Variants in NTSR1 observed in about 807,000 individuals in gnomAD.
The protein encoded by NTSR1 is neurotensin receptor type 1.
In NTSR1, 29 loss-of-function variants were observed where a neutral mutation model predicts 31.2. The ratio of observed to expected loss-of-function variants is 0.93; its 90% CI spans 0.69 to 1.27. The LOEUF (loss-of-function observed/expected upper bound fraction) is 1.27, where lower values mean the gene tolerates loss of function less well. Among genes scored for constraint, NTSR1 ranks in the 50% most tolerant of loss-of-function variants. The pLI is 0.00. For synonymous variants in NTSR1, 282 were observed against 269.9 expected (o/e 1.04, Z -0.44); for missense variants, 697 against 595.4 (o/e 1.17, Z -1.78).
At chr20:62,728,841 G>A (rs1202616553) in intron 1 of NTSR1, among the ~76,000 whole-genome samples, 3 of 152,210 alleles carry the variant, frequency 2.0e-5, no homozygotes, top group Non-Finnish European at 2.9e-5. Flanking sequence ...ACCCAGAACC[G>A]GCCCTCAGTG....
intron 1 of NTSR1, chr20:62,735,317 G>A (rs866621337): frequency 0.11 from 16,055 of 152,260 alleles, 2,051 homozygotes; most frequent in East Asian, 0.31. Flanking sequence ...CCAGGGATGT[G>A]GGGCTCCCAG....
chr20:62,741,983 C>A lies in NTSR1; in HGVS notation c.715-12702C>A, dbSNP rs1031517596. On this transcript the variant is annotated intron_variant, in intron 1 of 3. Coordinates refer to ENST00000370501, the MANE Select transcript of NTSR1 (RefSeq NM_002531.3). The surrounding 1 kb of genome is among the most constrained non-coding windows in gnomAD (Gnocchi z 4.3). Reference sequence around the variant, plus strand: ...CTGCCTCACAGATGAGACCTGTGTGCCTGAGGTGGTGCACACAGAGTATGT... The same window carrying A: ...CTGCCTCACAGATGAGACCTGTGTGACTGAGGTGGTGCACACAGAGTATGT... Among the ~76,000 whole-genome samples, 3 of 149,396 alleles carry A rather than the reference C, an allele frequency of 2.0e-5. No homozygotes were observed. The highest frequency in any genetic ancestry group is 6.7e-5 in the Admixed American group (1 of 14,866).
intron 1 of NTSR1, among the ~76,000 whole-genome samples, chr20:62,723,296 G>A (rs1988852770): frequency 6.6e-6 from 1 of 152,188 alleles, no homozygotes; most frequent in South Asian, 2.1e-4. Flanking sequence ...AACAGCCGTG[G>A]GATGCTGCTG....
intron 1 of NTSR1, among the ~76,000 whole-genome samples, chr20:62,740,384 A>C (rs12480564): frequency 1.6e-5 from 2 of 122,304 alleles, no homozygotes; most frequent in East Asian, 2.9e-4. Context: ...TATAAGCCGC[A>C]CAGGCCGGAA....
At chr20:62,725,479 C>G (rs180816097) in intron 1 of NTSR1, among the ~76,000 whole-genome samples, 5,392 of 152,308 alleles carry the variant, frequency 0.035, 122 homozygotes, top group Non-Finnish European at 0.051. Context: ...CGCTGCCTTC[C>G]GGTCCCATCA....
At chr20:62,748,175 CAAAAAAA>C (rs34449464) in intron 1 of NTSR1, among the ~76,000 whole-genome samples, 1 of 78,896 alleles carries the variant, frequency 1.3e-5, no homozygotes, top group African/African-American at 3.8e-5. Context: ...GAATCTGTCT[CAAAAAAA>C]AAAAAAAAAA....
chr20:62,721,927 G>A (rs1201193877), intron 1 of NTSR1, among the ~76,000 whole-genome samples: 1 of 152,164 alleles, frequency 6.6e-6, no homozygotes, highest in African/African-American at 2.4e-5. Flanking sequence ...CTCAGAGTCT[G>A]ATCAGATTCA....
chr20:62,753,046 G>C (rs1032502572), intron 1 of NTSR1, among the ~76,000 whole-genome samples: 3 of 152,236 alleles, frequency 2.0e-5, no homozygotes, highest in African/African-American at 7.2e-5. Flanking sequence ...GCAGGATGCT[G>C]CCTCCCGGGG....
At chr20:62,756,462 T>G (rs553729275) in intron 2 of NTSR1, among the ~76,000 whole-genome samples, 1 of 152,256 alleles carries the variant, frequency 6.6e-6, no homozygotes, top group Non-Finnish European at 1.5e-5. Flanking sequence ...CAGTTTGGTT[T>G]GCCTGAAGCA....
Position 62,709,609 on chromosome 20 carries a change from G to C in NTSR1, c.402G>C (p.Trp134Cys). The part of the protein sequence containing the change: ...LYNFIWVHHP[W>C]AFGDAGCRGY... Reference sequence around the variant, plus strand: ...ACTTCATCTGGGTGCACCACCCCTGGGCCTTCGGCGACGCCGGCTGCCGCG... The same window carrying C: ...ACTTCATCTGGGTGCACCACCCCTGCGCCTTCGGCGACGCCGGCTGCCGCG... Residue 134 changes from tryptophan (W) to cysteine (C), a missense_variant, in exon 1 of 4, where the codon TGG (tryptophan) becomes TGC (cysteine). Coordinates refer to ENST00000370501, the MANE Select transcript of NTSR1 (RefSeq NM_002531.3). 1 of 1,611,694 alleles carries C rather than the reference G, an allele frequency of 6.2e-7. No individual in the cohort carries two copies. The highest frequency in any genetic ancestry group is 8.5e-7 in the Non-Finnish European group (1 of 1,179,914).
chr20:62,753,484 G>A (rs1052803993), intron 1 of NTSR1, among the ~76,000 whole-genome samples: 3 of 152,152 alleles, frequency 2.0e-5, no homozygotes, highest in Admixed American at 6.5e-5. Flanking sequence ...ACTTTCTACC[G>A]CAATCACAGC....
chr20:62,735,953 A>C (rs1248467108), intron 1 of NTSR1, among the ~76,000 whole-genome samples: 1 of 152,260 alleles, frequency 6.6e-6, no homozygotes, highest in East Asian at 1.9e-4. Context: ...TCTGAATCCC[A>C]AATTCAGATT....
intron 1 of NTSR1, among the ~76,000 whole-genome samples, chr20:62,750,869 C>T (rs62198381): frequency 6.6e-6 from 1 of 152,024 alleles, no homozygotes; most frequent in Non-Finnish European, 1.5e-5. Flanking sequence ...ACATTGTACA[C>T]AGTCAATAGA....
At chr20:62,721,817 T>C (rs973898152) in intron 1 of NTSR1, among the ~76,000 whole-genome samples, 1 of 152,196 alleles carries the variant, frequency 6.6e-6, no homozygotes, top group African/African-American at 2.4e-5. Context: ...GAGTATTCCA[T>C]GTTATGTCCT....
At chr20:62,738,097 C>A (rs1458720492) in intron 1 of NTSR1, among the ~76,000 whole-genome samples, 1 of 152,250 alleles carries the variant, frequency 6.6e-6, no homozygotes. Context: ...ATGCCAGGTG[C>A]CTTGGATGCA....
At chr20:62,730,548 C>T (rs1203673187) in intron 1 of NTSR1, among the ~76,000 whole-genome samples, 2 of 152,210 alleles carry the variant, frequency 1.3e-5, no homozygotes, top group Non-Finnish European at 2.9e-5. Context: ...CTGCTATAAA[C>T]ATACATGTGC....
intron 1 of NTSR1, among the ~76,000 whole-genome samples, chr20:62,753,731 A>G (rs1016125562): frequency 3.3e-5 from 5 of 152,246 alleles, no homozygotes; most frequent in Non-Finnish European, 5.9e-5. Flanking sequence ...GATGGCTGTT[A>G]TTCCACTGCC....
intron 1 of NTSR1, among the ~76,000 whole-genome samples, chr20:62,750,464 G>A (rs1989373944): frequency 6.6e-6 from 1 of 152,130 alleles, no homozygotes; most frequent in South Asian, 2.1e-4. Flanking sequence ...GCCGAGGCGG[G>A]TGGATCACGA....
At chr20:62,717,891 A>G (rs1988760628) in intron 1 of NTSR1, among the ~76,000 whole-genome samples, 1 of 152,190 alleles carries the variant, frequency 6.6e-6, no homozygotes, top group South Asian at 2.1e-4. Flanking sequence ...GGCACCATAC[A>G]TGGCCGGCAA....
Sources: allele counts gnomAD v4.1 joint callset (sites outside exome capture counted in the v4.1 genomes callset), GRCh38; gene constraint gnomAD v4.1.1; non-coding constraint Gnocchi (gnomAD v3.1); transcripts MANE v1.5; gene names NCBI Gene and HGNC (gene_info 2026-07-23, HGNC 2026-07-21).